CACNA1H: variants seen among roughly 807,000 people sequenced by gnomAD.
CACNA1H encodes the protein voltage-dependent T-type calcium channel subunit alpha-1H.
Under a neutral mutation model 192.5 loss-of-function variants are expected in CACNA1H, and 149 were observed. That is an observed-to-expected ratio of 0.77 (90% CI 0.68 to 0.89). CACNA1H has a LOEUF of 0.89. Among genes scored for constraint, CACNA1H ranks in the 40% least tolerant of loss-of-function variants. CACNA1H has a pLI of 0.00. For synonymous variants in CACNA1H, 2,202 were observed against 1,475.2 expected, an observed-to-expected ratio of 1.49 and a Z score of -11.29; for missense variants, 4,257 against 3,423.5, an observed-to-expected ratio of 1.24 and a Z score of -6.08.
In CACNA1H at chr16:1,153,876, G is replaced by A. The variant is rs1961908516; in HGVS notation, c.139G>A (p.Gly47Ser). The A allele has an allele frequency of 1.2e-5, 17 of 1,407,186 alleles. No individual in the cohort carries two copies. Among genetic ancestry groups the A allele is most frequent in the East Asian group, 6.3e-5 (2 of 31,760 alleles). 87.2% of individuals were successfully genotyped at this position (1,407,186 alleles called of 1,614,324 possible). Reference protein sequence around the residue: ...GREAERGSELGVSPSESPAAE... With the variant: ...GREAERGSELSVSPSESPAAE... ...CGAGGCGGAGCGGGGGTCCGAGCTC[G>A]GCGTGTCACCCTCCGAGAGCCCGGC... Residue 47 changes from glycine (G) to serine (S), a missense_variant, in exon 2 of 35, where the codon GGC becomes AGC. Gly to Ser is a moderately conservative substitution (Grantham distance 56). Coordinates refer to ENST00000348261, the MANE Select transcript of CACNA1H (RefSeq NM_021098.3).
At chr16:1,168,784 C>T (rs1041468865) in intron 2 of CACNA1H, among the ~76,000 whole-genome samples, 1 of 152,116 alleles carries the variant, frequency 6.6e-6, no homozygotes, top group Non-Finnish European at 1.5e-5. Flanking sequence ...CCAGCCTTGC[C>T]CTCCAGGCCT....
chr16:1,194,725 C>T (rs1412581012), intron 2 of CACNA1H, among the ~76,000 whole-genome samples: 1 of 152,008 alleles, frequency 6.6e-6, no homozygotes, highest in Admixed American at 6.5e-5. Context: ...TGAGCCAACG[C>T]CGAGGGCCAG....
rs1965382439 is a variant in CACNA1H, at chr16:1,180,736, T to C, written c.300-14236T>C. On this transcript the variant is annotated intron_variant, in intron 2 of 34. Coordinates refer to ENST00000348261, the MANE Select transcript of CACNA1H (RefSeq NM_021098.3). The surrounding 1 kb of genome is among the most constrained non-coding windows in gnomAD (Gnocchi z 4.4). ...AGAGTGCAGGGTGTGCAGCGGGGGC[T>C]GGGATGCCGCCGAATAGGGGCCTGT... is the stretch of plus-strand genomic sequence containing the variant. Among the ~76,000 whole-genome samples, 2 of 152,148 alleles carry C rather than the reference T, an allele frequency of 1.3e-5. No individual in the cohort carries two copies. Among genetic ancestry groups the C allele is most frequent in the South Asian group, 4.1e-4 (2 of 4,830 alleles).
rs377408055 is a variant in CACNA1H, at chr16:1,177,977, C to T, written c.300-16995C>T. On this transcript the variant is annotated intron_variant, in intron 2 of 34. Coordinates refer to ENST00000348261, the MANE Select transcript of CACNA1H (RefSeq NM_021098.3). ...CACCGCCCTTTCTCCCTGGGACCCC[C>T]GGGGTCTCTCCCGCCCCCTCTCCCT... Among the ~76,000 whole-genome samples, 61 of 151,018 alleles carry T rather than the reference C, an allele frequency of 4.0e-4. No individual in the cohort carries two copies. In the East Asian group the frequency reaches 0.01, roughly 25 times the overall value.
At chr16:1,199,995 G>T (rs1006373094) in intron 6 of CACNA1H, among the ~76,000 whole-genome samples, 1 of 152,088 alleles carries the variant, frequency 6.6e-6, no homozygotes, top group Admixed American at 6.5e-5. Flanking sequence ...CTGTGGACTT[G>T]GGCTGAGGAG....
chr16:1,162,106 GGT>G (rs1415359420), intron 2 of CACNA1H, among the ~76,000 whole-genome samples: 1 of 152,120 alleles, frequency 6.6e-6, no homozygotes, highest in Non-Finnish European at 1.5e-5. Context: ...CTGGCCTCTG[GGT>G]GTGTGGCGGG....
At chr16:1,172,421 C>A (rs1381062348) in intron 2 of CACNA1H, among the ~76,000 whole-genome samples, 1 of 152,006 alleles carries the variant, frequency 6.6e-6, no homozygotes, top group African/African-American at 2.4e-5. Flanking sequence ...TAGACGGTGG[C>A]AGCGCGGCTG....
At chr16:1,155,625 C>T (rs760692447) in intron 2 of CACNA1H, among the ~76,000 whole-genome samples, 8 of 151,936 alleles carry the variant, frequency 5.3e-5, no homozygotes, top group Non-Finnish European at 8.8e-5. Flanking sequence ...CTCACAGCCC[C>T]GGGCCTGGCT....
intron 25 of CACNA1H, 153 bp downstream of exon 25, chr16:1,212,291 G>T (rs1431512706): frequency 3.1e-6 from 4 of 1,276,056 alleles, no homozygotes; most frequent in Non-Finnish European, 4.2e-6. Flanking sequence ...CCTTGGAGGG[G>T]CTGGCCCGAG....
intron 6 of CACNA1H, 187 bp downstream of exon 6, chr16:1,198,961 C>T (rs183628037): frequency 3.4e-6 from 2 of 587,822 alleles, no homozygotes; most frequent in Non-Finnish European, 3.0e-6. Flanking sequence ...CATCATGGCT[C>T]CGCCCAGCTG....
In CACNA1H at chr16:1,210,438, T is replaced by G; in HGVS notation, c.3914T>G (p.Phe1305Cys). 1.2e-6 allele frequency: 2 copies of G among 1,607,678 alleles called. No homozygotes were observed. The highest frequency in any genetic ancestry group is 1.7e-6 in the Non-Finnish European group (2 of 1,177,250). Residue 1305 changes from phenylalanine (F) to cysteine (C), a missense_variant, in exon 19 of 35, where the codon TTC becomes TGC. Phe to Cys is a radical substitution (Grantham distance 205). Coordinates refer to ENST00000348261, the MANE Select transcript of CACNA1H (RefSeq NM_021098.3). ...MFDHVVLVFI[F>C]LNCVTIALER... ...GATCACGTGGTCCTCGTCTTCATCT[T>G]CCTCAACTGCGTCACCATCGCCCTG... is the stretch of plus-strand genomic sequence containing the variant.
chr16:1,196,776 A>G (rs1055734232), intron 5 of CACNA1H, among the ~76,000 whole-genome samples: 9 of 151,978 alleles, frequency 5.9e-5, no homozygotes, highest in African/African-American at 2.2e-4. Flanking sequence ...TTGTTTGGGA[A>G]ACATCCTGTC....
intron 22 of CACNA1H, 59 bp downstream of exon 22, chr16:1,211,353 A>G (rs927493487): frequency 3.1e-6 from 5 of 1,608,924 alleles, no homozygotes; most frequent in Non-Finnish European, 4.2e-6. Flanking sequence ...CTGCCTTCCC[A>G]GCGTGGCTCC....
intron 2 of CACNA1H, among the ~76,000 whole-genome samples, chr16:1,174,018 A>C (rs1249716647): frequency 6.6e-6 from 1 of 152,214 alleles, no homozygotes; most frequent in Non-Finnish European, 1.5e-5. Context: ...AGGGCCTCAC[A>C]TCATGCGGGC....
intron 2 of CACNA1H, among the ~76,000 whole-genome samples, chr16:1,193,066 A>G (rs1966756829): frequency 6.6e-6 from 1 of 152,156 alleles, no homozygotes; most frequent in East Asian, 1.9e-4. Context: ...AGGCTGGGGT[A>G]GAGTGCCGTG....
rs371577290 is a variant in CACNA1H, at chr16:1,215,346, G to A, written c.5144G>A (p.Arg1715His). ...CTGCCCATCAACCCCACCATCATCC[G>A]CATCATGCGCGTGCTTCGCATTGCC... is the stretch of plus-strand genomic sequence containing the variant. Reference protein sequence around the residue: ...AALPINPTIIRIMRVLRIARV... With the variant: ...AALPINPTIIHIMRVLRIARV... The change falls in exon 29 of 35, where the codon CGC becomes CAC. Residue 1715 changes from arginine to histidine, a missense_variant. Transcript: ENST00000348261. 4.1e-5 allele frequency: 66 copies of A among 1,611,024 alleles called. No individual in the cohort carries two copies. Among genetic ancestry groups the A allele is most frequent in the Non-Finnish European group, 5.2e-5 (61 of 1,179,094 alleles).
chr16:1,221,597 A>G lies in CACNA1H; in HGVS notation c.*603A>G. 2 of 638,156 alleles carry G rather than the reference A, an allele frequency of 3.1e-6. No homozygotes were observed. The highest frequency in any genetic ancestry group is 5.2e-6 in the Non-Finnish European group (2 of 381,898). The allele number at this position is 638,156 out of a possible 1,614,324, so 39.5% of individuals were successfully genotyped here. On this transcript the variant is annotated 3_prime_UTR_variant, in exon 35 of 35. Transcript: ENST00000348261. ...GAGTAACGCGCCCGGCCCCGATGCG[A>G]ATCAGGCCTCCCCTACATCTGGGGG...
chr16:1,184,028 A>T (rs1965738899), intron 2 of CACNA1H, among the ~76,000 whole-genome samples: 1 of 152,194 alleles, frequency 6.6e-6, no homozygotes, highest in Admixed American at 6.5e-5. Flanking sequence ...CAGAAGAGTC[A>T]AGGCCAGCCG....
rs1210311429 is a variant in CACNA1H, at chr16:1,218,503, C to T, written c.5739C>T (p.Asn1913=). The T allele has an allele frequency of 1.9e-6, 3 of 1,553,082 alleles. No individual in the cohort carries two copies. The highest frequency in any genetic ancestry group is 2.6e-6 in the Non-Finnish European group (3 of 1,148,594). Residue 1913 remains asparagine (N), a synonymous_variant, in exon 33 of 35, where the codon AAC becomes AAT. Transcript: ENST00000348261. ...GTCCGGGCGCCAGGGACGCCCCAAA[C>T]CTGGTTGCACGCAAGGTGTCCGTGT... ...QESPGARDAP[N]LVARKVSVSR...
Sources: gnomAD v4.1 joint callset for allele counts (sites outside exome capture counted in the v4.1 genomes callset) on GRCh38, gnomAD v4.1.1 for gene constraint, Gnocchi (gnomAD v3.1) non-coding constraint, MANE v1.5 for transcripts, NCBI Gene and HGNC (gene_info 2026-07-23, HGNC 2026-07-21) for gene names.